Variants in PGBD2 observed in about 807,000 individuals in gnomAD.
PGBD2 encodes piggyBac transposable element-derived protein 2.
In PGBD2, 6 loss-of-function variants were observed where a neutral mutation model predicts 8.1. That is an observed-to-expected ratio of 0.74 (90% CI 0.40 to 1.46). PGBD2 has a LOEUF of 1.46. PGBD2 is among the 40% of genes most tolerant of loss of function. The probability of loss-of-function intolerance (pLI) is 0.02; values close to 1 mark genes in which losing one functional copy is unlikely to be tolerated. For synonymous variants in PGBD2, 318 were observed against 272.2 expected (o/e 1.17, Z -1.66); for missense variants, 802 against 739.0 (o/e 1.09, Z -0.99).
chr1:248,916,627 C>T lies in PGBD2; in HGVS notation c.43C>T (p.His15Tyr), dbSNP rs1010828601. 1 of 1,613,934 alleles carries T rather than the reference C, an allele frequency of 6.2e-7. No individual in the cohort carries two copies. Among genetic ancestry groups the T allele is most frequent in the Admixed American group, 1.7e-5 (1 of 60,002 alleles). Reference sequence around the variant, plus strand: ...AGATGTCATTGCTGGGAGAGGTATCCACTCAAAGGTGAAGTCTGCAAAGCT... The same window carrying T: ...AGATGTCATTGCTGGGAGAGGTATCTACTCAAAGGTGAAGTCTGCAAAGCT... ...SRDVIAGRGI[H>Y]SKVKSAKLLE... The change falls in exon 3 of 3, where the codon CAC becomes TAC. Residue 15 changes from histidine to tyrosine, a missense_variant. Transcript: ENST00000329291.
the PGBD2 span, among the ~76,000 whole-genome samples, chr1:248,892,214 GAGT>G: frequency 6.6e-6 from 1 of 151,014 alleles, no homozygotes; most frequent in South Asian, 2.1e-4. Flanking sequence ...ACAACAATCT[GAGT>G]AGGTCAAGGT....
At chr1:248,874,546 G>T in the PGBD2 span, among the ~76,000 whole-genome samples, 1 of 152,128 alleles carries the variant, frequency 6.6e-6, no homozygotes, top group African/African-American at 2.4e-5. Flanking sequence ...AGCACAAAAT[G>T]ATCCAAAAAG....
chr1:248,874,473 G>A, the PGBD2 span, among the ~76,000 whole-genome samples: 1 of 152,160 alleles, frequency 6.6e-6, no homozygotes, highest in Admixed American at 6.5e-5. Context: ...CAGTTTATGC[G>A]CGCCGTATAT....
downstream of PGBD2, among the ~76,000 whole-genome samples, chr1:248,923,120 A>G (rs192266826): frequency 7.5e-4 from 115 of 152,322 alleles, no homozygotes; most frequent in Non-Finnish European, 1.1e-3. Flanking sequence ...TATTAATTAC[A>G]GTCTCAATTT....
chr1:248,874,903 GAGAT>G, the PGBD2 span, among the ~76,000 whole-genome samples: 51,305 of 145,088 alleles, frequency 0.35, 9,079 homozygotes, highest in South Asian at 0.39. Context: ...TAGGTAGATA[GAGAT>G]AGATAGATAG....
Position 248,918,145 on chromosome 1 carries a change from G to A in PGBD2, c.1561G>A (p.Ala521Thr), listed in dbSNP as rs746618609. 3.9e-5 allele frequency: 63 copies of A among 1,614,068 alleles called. No individual in the cohort carries two copies. Among genetic ancestry groups the A allele is most frequent in the Non-Finnish European group, 5.1e-5 (60 of 1,180,040 alleles). The change falls in exon 3 of 3, where the codon GCC becomes ACC. Residue 521 changes from alanine (A) to threonine (T), a missense_variant. Coordinates refer to ENST00000329291, the MANE Select transcript of PGBD2 (RefSeq NM_170725.3). Reference sequence around the variant, plus strand: ...CCTCCTTGCCTTCCGGAGATACATTGCCTGTGTGTATCTGGAGAGCAATGC... The same window carrying A: ...CCTCCTTGCCTTCCGGAGATACATTACCTGTGTGTATCTGGAGAGCAATGC... ...VDLLAFRRYI[A>T]CVYLESNADT...
chr1:248,929,258 G>A, the PGBD2 span, among the ~76,000 whole-genome samples: 1 of 151,918 alleles, frequency 6.6e-6, no homozygotes, highest in East Asian at 1.9e-4. Context: ...TGCTTTTATT[G>A]TAGGGAATCG....
At chr1:248,900,825 C>G in the PGBD2 span, among the ~76,000 whole-genome samples, 3 of 152,044 alleles carry the variant, frequency 2.0e-5, no homozygotes, top group Admixed American at 2.0e-4. Flanking sequence ...GTGACATGAT[C>G]ATATATCTAG....
the PGBD2 span, among the ~76,000 whole-genome samples, chr1:248,885,404 T>C: frequency 6.6e-6 from 1 of 151,970 alleles, no homozygotes; most frequent in Non-Finnish European, 1.5e-5. Flanking sequence ...GCCTCCTGCA[T>C]GGCTAGGACT....
the PGBD2 span, among the ~76,000 whole-genome samples, chr1:248,928,848 G>A: frequency 6.6e-6 from 1 of 152,176 alleles, no homozygotes; most frequent in Non-Finnish European, 1.5e-5. Context: ...AAATCCTCAT[G>A]TTTTCTTCTG....
downstream of PGBD2, among the ~76,000 whole-genome samples, chr1:248,924,232 T>A (rs190300303): frequency 1.9e-4 from 29 of 152,304 alleles, no homozygotes; most frequent in Admixed American, 1.8e-3. Context: ...TTGATGGAGT[T>A]CTTTCTTATG....
chr1:248,918,389 T>G lies in PGBD2; in HGVS notation c.*26T>G. On this transcript the variant is annotated 3_prime_UTR_variant, in exon 3 of 3. Coordinates refer to ENST00000329291, the MANE Select transcript of PGBD2 (RefSeq NM_170725.3). ...CATCATGAGACATGCTTCTTTGGTTTATAATGAGATGTTTACAGTTAAATA... is the reference window on the plus strand; with the variant it reads ...CATCATGAGACATGCTTCTTTGGTTGATAATGAGATGTTTACAGTTAAATA... 1 of 1,518,194 alleles carries G rather than the reference T, an allele frequency of 6.6e-7. No homozygotes were observed. The allele number at this position is 1,518,194 out of a possible 1,614,324, so 94.0% of individuals were successfully genotyped here.
chr1:248,924,480 A>T (rs1662346420), downstream of PGBD2, among the ~76,000 whole-genome samples: 1 of 152,210 alleles, frequency 6.6e-6, no homozygotes, highest in African/African-American at 2.4e-5. Context: ...TAAGTCTTTT[A>T]GAGGCACAGA....
chr1:248,915,230 G>A (rs748672022), intron 2 of PGBD2, among the ~76,000 whole-genome samples: 15 of 152,290 alleles, frequency 9.8e-5, no homozygotes, highest in East Asian at 7.7e-4. Context: ...TGTACCCATC[G>A]CCAGCCCCTG....
At chr1:248,874,287 G>C in the PGBD2 span, among the ~76,000 whole-genome samples, 5 of 152,284 alleles carry the variant, frequency 3.3e-5, no homozygotes, top group Middle Eastern at 6.8e-3. Flanking sequence ...CGCTCTCACC[G>C]CCGCGGCCCG....
the PGBD2 span, among the ~76,000 whole-genome samples, chr1:248,925,242 A>C: frequency 6.6e-6 from 1 of 152,188 alleles, no homozygotes; most frequent in Non-Finnish European, 1.5e-5. Flanking sequence ...CTCACCTAGA[A>C]GACACTTGAT....
chr1:248,918,236 G>A lies in PGBD2; in HGVS notation c.1652G>A (p.Gly551Glu). The A allele has an allele frequency of 6.2e-7, 1 of 1,614,106 alleles. No individual in the cohort carries two copies. Among genetic ancestry groups the A allele is most frequent in the Non-Finnish European group, 8.5e-7 (1 of 1,179,980 alleles). ...ACTGAGAGCCGCTTCGATATGATTG[G>A]GCACTGGATTATCCATCAGGACAAG... The part of the protein sequence containing the change: ...LETESRFDMI[G>E]HWIIHQDKRT... The change falls in exon 3 of 3, where the codon GGG becomes GAG. Residue 551 changes from glycine (G) to glutamate (E), a missense_variant. Transcript: ENST00000329291.
the PGBD2 span, among the ~76,000 whole-genome samples, chr1:248,897,308 G>C: frequency 1.3e-5 from 2 of 151,644 alleles, no homozygotes; most frequent in African/African-American, 4.9e-5. Flanking sequence ...TACAGGATGT[G>C]AGGTCCCGTG....
At chr1:248,880,021 T>G in the PGBD2 span, among the ~76,000 whole-genome samples, 4 of 152,202 alleles carry the variant, frequency 2.6e-5, no homozygotes, top group Non-Finnish European at 2.9e-5. Flanking sequence ...TCTGAGTGCT[T>G]CTGCTGTTCA....
Sources: allele counts gnomAD v4.1 joint callset (sites outside exome capture counted in the v4.1 genomes callset), GRCh38; gene constraint gnomAD v4.1.1; transcripts MANE v1.5; gene names NCBI Gene and HGNC (gene_info 2026-07-23, HGNC 2026-07-21).